Variants in GID8 observed in about 807,000 individuals in gnomAD.
GID8 encodes glucose-induced degradation protein 8 homolog.
A neutral mutation model predicts 27.4 loss-of-function variants in GID8; 6 were observed. The observed-to-expected ratio is 0.22, with a 90% CI of 0.12 to 0.43. GID8 has a LOEUF of 0.43. Among genes scored for constraint, GID8 ranks in the 20% least tolerant of loss-of-function variants. The pLI, the probability that GID8 is intolerant of heterozygous loss-of-function variation, is 1.00. For synonymous variants in GID8, 112 were observed against 109.0 expected (o/e 1.03, Z -0.17); for missense variants, 173 against 287.6 (o/e 0.60, Z 2.88).
rs774462588 is a variant in GID8, at chr20:62,946,892, G to A, written c.*1980G>A. On this transcript the variant is annotated 3_prime_UTR_variant, in exon 5 of 5. Coordinates refer to ENST00000266069, the MANE Select transcript of GID8 (RefSeq NM_017896.3). ...TATTCCTAATTACCTTTCACTATTCGTGTATATAAGATCGTTTACTTGCAT... is the reference window on the plus strand; with the variant it reads ...TATTCCTAATTACCTTTCACTATTCATGTATATAAGATCGTTTACTTGCAT... 1.3e-5 allele frequency: 2 copies of A among 152,184 alleles called. No individual in the cohort carries two copies. Among genetic ancestry groups the A allele is most frequent in the Non-Finnish European group, 2.9e-5 (2 of 68,040 alleles). 9.4% of individuals were successfully genotyped at this position (152,184 alleles called of 1,614,324 possible).
At chr20:62,942,398 G>A (rs2065447670) in intron 2 of GID8, among the ~76,000 whole-genome samples, 1 of 152,208 alleles carries the variant, frequency 6.6e-6, no homozygotes, top group South Asian at 2.1e-4. Flanking sequence ...GTTGCAGTGA[G>A]CCAAGATTGT....
At chr20:62,939,171 T>C (rs912177479) in intron 1 of GID8, among the ~76,000 whole-genome samples, 1 of 152,030 alleles carries the variant, frequency 6.6e-6, no homozygotes, top group African/African-American at 2.4e-5. Flanking sequence ...TTGTCGTGAA[T>C]AAAAAGTTGG....
chr20:62,944,392 C>G (rs1323535090), intron 4 of GID8, among the ~76,000 whole-genome samples: 1 of 152,198 alleles, frequency 6.6e-6, no homozygotes, highest in Non-Finnish European at 1.5e-5. Flanking sequence ...GGGCTCTGTC[C>G]TCCCTACGCT....
rs183350454 is a variant in GID8 at position 62,946,007 on chromosome 20, C to A, written c.*1095C>A. The A allele has an allele frequency of 1.6e-6, 2 of 1,289,230 alleles. No individual in the cohort carries two copies. Among genetic ancestry groups the A allele is most frequent in the Non-Finnish European group, 2.0e-6 (2 of 988,680 alleles). The allele number at this position is 1,289,230 out of a possible 1,614,324, so 79.9% of individuals were successfully genotyped here. A position where few individuals can be genotyped will look rare whatever the true frequency, so the allele number is the denominator to read the frequency against. ...GCAGGAGGGAAGTGGTGCAGGGCTG[C>A]GTGCATTGCCTGCGAGTCGGGACAG... On this transcript the variant is annotated 3_prime_UTR_variant, in exon 5 of 5. Transcript: ENST00000266069.
chr20:62,939,653 C>T lies in GID8; in HGVS notation c.-13+1400C>T, dbSNP rs2872540. Among the ~76,000 whole-genome samples, 320 of 152,162 alleles carry T rather than the reference C, an allele frequency of 2.1e-3. 1 individual carries two copies. Among genetic ancestry groups the T allele is most frequent in the African/African-American group, 6.7e-3 (279 of 41,492 alleles). ...CTTCTATTCTTCCCTCTCTTTTGTC[C>T]GGTAATCTGTCTAGCAGCAGCCATT... On this transcript the variant is annotated intron_variant, in intron 1 of 4. Transcript: ENST00000266069.
chr20:62,948,327 G>A lies in GID8; in HGVS notation c.*3415G>A, dbSNP rs1186540865. On this transcript the variant is annotated 3_prime_UTR_variant, in exon 5 of 5. Coordinates refer to ENST00000266069, the MANE Select transcript of GID8 (RefSeq NM_017896.3). ...TAAAGTCCTGTATGAACCATAACCTGCTGTGGTACCTTTGTACATGTTTGA... is the reference window on the plus strand; with the variant it reads ...TAAAGTCCTGTATGAACCATAACCTACTGTGGTACCTTTGTACATGTTTGA... 6.6e-6 allele frequency: 1 copy of A among 152,174 alleles called. No homozygotes were observed. Among genetic ancestry groups the A allele is most frequent in the Non-Finnish European group, 1.5e-5 (1 of 68,034 alleles). The allele number at this position is 152,174 out of a possible 1,614,324, so 9.4% of individuals were successfully genotyped here.
chr20:62,944,638 G>A (rs41304830), intron 4 of GID8, 101 bp from the exon 5 acceptor site: 13,664 of 795,468 alleles, frequency 0.017, 166 homozygotes, highest in Non-Finnish European at 0.023. Context: ...AGAGTGTCTC[G>A]CAGTTAAGAG....
intron 2 of GID8, 67 bp downstream of exon 2, chr20:62,941,687 G>A (rs148051416): frequency 5.8e-6 from 5 of 868,020 alleles, no homozygotes; most frequent in Admixed American, 1.7e-5. Flanking sequence ...CATAAGGAGT[G>A]CTGTAGCACT....
At chr20:62,944,194 A>T (rs181433738) in intron 4 of GID8, among the ~76,000 whole-genome samples, 2 of 152,274 alleles carry the variant, frequency 1.3e-5, no homozygotes, top group East Asian at 3.9e-4. Context: ...GTTACACAGT[A>T]TTCACACCCT....
At position 62,946,275 on chromosome 20, in the gene GID8, C is replaced by T. The variant is rs1272675923; in HGVS notation, c.*1363C>T. 1 of 333,908 alleles carries T rather than the reference C, an allele frequency of 3.0e-6. No individual in the cohort carries two copies. The highest frequency in any genetic ancestry group is 2.2e-5 in the African/African-American group (1 of 46,130). The allele number at this position is 333,908 out of a possible 1,614,324, so 20.7% of individuals were successfully genotyped here. A position where few individuals can be genotyped will look rare whatever the true frequency, so the allele number is the denominator to read the frequency against. On this transcript the variant is annotated 3_prime_UTR_variant, in exon 5 of 5. Transcript: ENST00000266069. ...GCCTTATTCTCAAGTAGCAAGGCAT[C>T]TCGACAAGCATGGTCTAGGTCTGGT...
Position 62,943,668 on chromosome 20 carries a change from C to T in GID8, c.489C>T (p.Leu163=). The T allele has an allele frequency of 6.2e-7, 1 of 1,613,522 alleles. No homozygotes were observed. Among genetic ancestry groups the T allele is most frequent in the Non-Finnish European group, 8.5e-7 (1 of 1,179,840 alleles). ...CCGAGGAGTCGCCCTTCGGAGACCTCCTCCACACCATGCAGAGGCAGAAGG... is the reference window on the plus strand; with the variant it reads ...CCGAGGAGTCGCCCTTCGGAGACCTTCTCCACACCATGCAGAGGCAGAAGG... ...DSPEESPFGD[L]LHTMQRQKVW... is the part of the protein sequence containing the mutation. Residue 163 remains leucine (L), a synonymous_variant, in exon 4 of 5, where the codon CTC becomes CTT. Coordinates refer to ENST00000266069, the MANE Select transcript of GID8 (RefSeq NM_017896.3). This position sits in a 1 kb window ranked among gnomAD's most constrained non-coding sequence, Gnocchi z 4.7.
rs1423861000 is a variant in GID8 at position 62,946,698 on chromosome 20, C to T, written c.*1786C>T. 2 of 152,178 alleles carry T rather than the reference C, an allele frequency of 1.3e-5. No homozygotes were observed. Among genetic ancestry groups the T allele is most frequent in the Admixed American group, 6.5e-5 (1 of 15,274 alleles). 9.4% of individuals were successfully genotyped at this position (152,178 alleles called of 1,614,324 possible). A position where few individuals can be genotyped will look rare whatever the true frequency, so the allele number is the denominator to read the frequency against. On this transcript the variant is annotated 3_prime_UTR_variant, in exon 5 of 5. Transcript: ENST00000266069. ...AATGCTGCCTTCCAACTACCACTCT[C>T]CCAGATGTGACCCTTGCGATTATTT...
At chr20:62,941,806 C>G (rs141798986) in intron 2 of GID8, among the ~76,000 whole-genome samples, 186 bp downstream of exon 2, 2 of 152,340 alleles carry the variant, frequency 1.3e-5, no homozygotes, top group Non-Finnish European at 2.9e-5. Flanking sequence ...TGAGATTTTT[C>G]CAGGTCTCTG....
rs1264138230 is a variant in GID8 at position 62,943,808 on chromosome 20, C to G, written c.513+116C>G. ...GACTGAGAGACAGGTGGCTTCTGTG[C>G]CTGGGATGCTAAGTGGTTCCTTCAT... On this transcript the variant is annotated intron_variant, in intron 4 of 4. Transcript: ENST00000266069. The surrounding 1 kb of genome is among the most constrained non-coding windows in gnomAD (Gnocchi z 4.7). 4.1e-6 allele frequency: 3 copies of G among 732,026 alleles called. No homozygotes were observed. In the African/African-American group the frequency reaches 5.3e-5, roughly 13 times the overall value. The allele number at this position is 732,026 out of a possible 1,614,324, so 45.3% of individuals were successfully genotyped here.
Position 62,946,271 on chromosome 20 carries a change from G to C in GID8, c.*1359G>C, listed in dbSNP as rs1349628367. On this transcript the variant is annotated 3_prime_UTR_variant, in exon 5 of 5. Transcript: ENST00000266069. The stretch of plus-strand genomic sequence containing the variant: ...TCTCGCCTTATTCTCAAGTAGCAAG[G>C]CATCTCGACAAGCATGGTCTAGGTC... The C allele has an allele frequency of 9.0e-6, 3 of 332,684 alleles. No individual in the cohort carries two copies. Among genetic ancestry groups the C allele is most frequent in the Non-Finnish European group, 1.2e-5 (2 of 167,600 alleles). The allele number at this position is 332,684 out of a possible 1,614,324, so 20.6% of individuals were successfully genotyped here.
rs960813788 is a variant in GID8 at position 62,946,363 on chromosome 20, G to A, written c.*1451G>A. ...GCCTCTGAGGGACCGTCCTCACCGA[G>A]CTCCTGCATCCCTTGAGTGTTGATC... is the stretch of plus-strand genomic sequence containing the variant. On this transcript the variant is annotated 3_prime_UTR_variant, in exon 5 of 5. Coordinates refer to ENST00000266069, the MANE Select transcript of GID8 (RefSeq NM_017896.3). The A allele has an allele frequency of 1.3e-5, 3 of 228,458 alleles. No individual in the cohort carries two copies. The highest frequency in any genetic ancestry group is 2.7e-5 in the Non-Finnish European group (3 of 112,150). 14.2% of individuals were successfully genotyped at this position (228,458 alleles called of 1,614,324 possible). A position where few individuals can be genotyped will look rare whatever the true frequency, so the allele number is the denominator to read the frequency against.
intron 2 of GID8, among the ~76,000 whole-genome samples, chr20:62,942,469 A>C (rs1462109100): frequency 6.6e-6 from 1 of 152,120 alleles, no homozygotes; most frequent in African/African-American, 2.4e-5. Context: ...ATATTTTTGG[A>C]AGGTGAAGAG....
In GID8 at chr20:62,945,071, G is replaced by C; in HGVS notation, c.*159G>C. 2 of 1,416,722 alleles carry C rather than the reference G, an allele frequency of 1.4e-6. No homozygotes were observed. The highest frequency in any genetic ancestry group is 1.8e-6 in the Non-Finnish European group (2 of 1,088,962). 87.8% of individuals were successfully genotyped at this position (1,416,722 alleles called of 1,614,324 possible). A position where few individuals can be genotyped will look rare whatever the true frequency, so the allele number is the denominator to read the frequency against. Reference sequence around the variant, plus strand: ...CTTTTTATAGGGAAAAATGGCCTTTGTAGGCAGTGGAAAACTTGCAAGGAA... The same window carrying C: ...CTTTTTATAGGGAAAAATGGCCTTTCTAGGCAGTGGAAAACTTGCAAGGAA... On this transcript the variant is annotated 3_prime_UTR_variant, in exon 5 of 5. Transcript: ENST00000266069.
Position 62,943,833 on chromosome 20 carries a change from T to TG in GID8, c.513+143dup. On this transcript the variant is annotated intron_variant, in intron 4 of 4. Transcript: ENST00000266069. This position sits in a 1 kb window ranked among gnomAD's most constrained non-coding sequence, Gnocchi z 4.7. ...CCTGGGATGCTAAGTGGTTCCTTCA[T>TG]GGCTTTTTTTTTTTTTTTTGGAGGT... The TG allele has an allele frequency of 1.7e-6, 1 of 582,184 alleles. No individual in the cohort carries two copies. Among genetic ancestry groups the TG allele is most frequent in the Non-Finnish European group, 2.9e-6 (1 of 341,310 alleles). 36.1% of individuals were successfully genotyped at this position (582,184 alleles called of 1,614,324 possible). A position where few individuals can be genotyped will look rare whatever the true frequency, so the allele number is the denominator to read the frequency against.
Sources: gnomAD v4.1 joint callset for allele counts (sites outside exome capture counted in the v4.1 genomes callset) on GRCh38, gnomAD v4.1.1 for gene constraint, Gnocchi (gnomAD v3.1) non-coding constraint, MANE v1.5 for transcripts, NCBI Gene and HGNC (gene_info 2026-07-23, HGNC 2026-07-21) for gene names.